The following PDSS2 variants were observed in gnomAD, a reference collection of about 807,000 sequenced individuals.
The protein encoded by PDSS2 is all trans-polyprenyl-diphosphate synthase PDSS2.
Under a neutral mutation model 44.5 loss-of-function variants are expected in PDSS2, and 31 were observed. The ratio of observed to expected loss-of-function variants is 0.70; its 90% CI spans 0.52 to 0.94. The LOEUF is 0.94. PDSS2 is among the 40% of genes least tolerant of loss of function. PDSS2 has a pLI of 0.00. For missense variants in PDSS2, 452 were observed against 482.2 expected (o/e 0.94, Z 0.59); for synonymous variants, 157 against 180.3 (o/e 0.87, Z 1.03).
intron 1 of PDSS2, among the ~76,000 whole-genome samples, chr6:107,383,280 C>T (rs530196282): frequency 1.9e-5 from 2 of 103,964 alleles, no homozygotes; most frequent in East Asian, 6.7e-4. Flanking sequence ...GCCTGGGTGA[C>T]AGAGTGAGAC....
intron 2 of PDSS2, among the ~76,000 whole-genome samples, chr6:107,323,392 C>T (rs1347446130): frequency 2.0e-5 from 3 of 152,134 alleles, no homozygotes; most frequent in Non-Finnish European, 4.4e-5. Context: ...TTATTCTGGA[C>T]CACAGGATAG....
At chr6:107,420,898 G>C (rs537861292) in intron 1 of PDSS2, among the ~76,000 whole-genome samples, 1 of 150,426 alleles carries the variant, frequency 6.6e-6, no homozygotes, top group South Asian at 2.1e-4. Context: ...CCATTAACAA[G>C]ATAAAAAGAT....
At chr6:107,249,893 T>C (rs916752720) in intron 3 of PDSS2, among the ~76,000 whole-genome samples, 4 of 152,208 alleles carry the variant, frequency 2.6e-5, no homozygotes, top group African/African-American at 9.7e-5. Context: ...CAGGTGTATC[T>C]GAACCTTAAC....
chr6:107,358,747 T>C (rs906254187), intron 1 of PDSS2, among the ~76,000 whole-genome samples: 17 of 152,138 alleles, frequency 1.1e-4, no homozygotes, highest in Non-Finnish European at 2.5e-4. Flanking sequence ...AACTGGAACT[T>C]TGTTGGGAGG....
chr6:107,250,552 G>T (rs1194496743), intron 3 of PDSS2, among the ~76,000 whole-genome samples: 2 of 152,044 alleles, frequency 1.3e-5, no homozygotes, highest in Non-Finnish European at 2.9e-5. Flanking sequence ...CTTGGGGAGG[G>T]TGTTGGGGGG....
intron 4 of PDSS2, 93 bp downstream of exon 4, chr6:107,245,448 CATGTACA>C: frequency 3.1e-6 from 1 of 324,138 alleles, no homozygotes; most frequent in Non-Finnish European, 5.6e-6. Context: ...AAAAAAAAGC[CATGTACA>C]ATTTAAACAC....
chr6:107,228,749 AAAC>A, intron 4 of PDSS2, among the ~76,000 whole-genome samples: 1 of 145,812 alleles, frequency 6.9e-6, no homozygotes, highest in Non-Finnish European at 1.5e-5. Context: ...CAAACAAACA[AAAC>A]AAATTCCTCT....
intron 1 of PDSS2, among the ~76,000 whole-genome samples, chr6:107,412,331 C>T (rs1395129430): frequency 2.0e-5 from 3 of 150,032 alleles, no homozygotes; most frequent in Non-Finnish European, 3.0e-5. Context: ...CCTCCACCTC[C>T]GGGTTCAAGC....
chr6:107,162,610 A>ATTTTTTTTT (rs71012782), intron 7 of PDSS2, among the ~76,000 whole-genome samples: 1,969 of 115,338 alleles, frequency 0.017, 142 homozygotes, highest in Middle Eastern at 0.046. Flanking sequence ...GAATTCCCTA[A>ATTTTTTTTT]TTTTTTTTTT....
chr6:107,202,315 A>T (rs1357206984), intron 6 of PDSS2, among the ~76,000 whole-genome samples: 3 of 152,186 alleles, frequency 2.0e-5, no homozygotes, highest in Non-Finnish European at 4.4e-5. Context: ...CTGGGATTAC[A>T]GGCATGAGCC....
intron 7 of PDSS2, among the ~76,000 whole-genome samples, chr6:107,178,526 C>T (rs1316243873): frequency 6.6e-6 from 1 of 152,168 alleles, no homozygotes; most frequent in African/African-American, 2.4e-5. Flanking sequence ...CTTAAAGTCA[C>T]AATAATTATT....
At chr6:107,282,059 C>T (rs867289150) in intron 2 of PDSS2, among the ~76,000 whole-genome samples, 1 of 152,146 alleles carries the variant, frequency 6.6e-6, no homozygotes, top group East Asian at 1.9e-4. Flanking sequence ...GCATGTGCCA[C>T]AATACCTGGC....
At chr6:107,333,525 G>A (rs1478877575) in intron 2 of PDSS2, among the ~76,000 whole-genome samples, 1 of 152,024 alleles carries the variant, frequency 6.6e-6, no homozygotes, top group East Asian at 1.9e-4. Context: ...TTTATACAAT[G>A]AGGTATTATT....
intron 2 of PDSS2, among the ~76,000 whole-genome samples, chr6:107,308,105 A>G: frequency 6.6e-6 from 1 of 152,196 alleles, no homozygotes; most frequent in East Asian, 1.9e-4. Flanking sequence ...TTTAACAGGC[A>G]CTCAATTCAG....
intron 2 of PDSS2, among the ~76,000 whole-genome samples, chr6:107,284,124 A>G (rs1180897877): frequency 2.6e-5 from 4 of 152,018 alleles, no homozygotes; most frequent in African/African-American, 9.7e-5. Flanking sequence ...TAAAAAGACA[A>G]TGGAGCCTTC....
intron 4 of PDSS2, among the ~76,000 whole-genome samples, chr6:107,214,619 C>T (rs1773351808): frequency 6.6e-6 from 1 of 152,146 alleles, no homozygotes; most frequent in Non-Finnish European, 1.5e-5. Flanking sequence ...TCTTCCTGCT[C>T]CTGATCCTAT....
chr6:107,251,575 G>A (rs1367368184), intron 3 of PDSS2, among the ~76,000 whole-genome samples: 1 of 152,128 alleles, frequency 6.6e-6, no homozygotes, highest in Non-Finnish European at 1.5e-5. Flanking sequence ...CCACCCCCAG[G>A]AACAAACAGC....
chr6:107,338,558 C>T (rs1301092452), intron 1 of PDSS2, among the ~76,000 whole-genome samples: 1 of 152,092 alleles, frequency 6.6e-6, no homozygotes, highest in Admixed American at 6.5e-5. Flanking sequence ...GGAATTGTTT[C>T]AGGGGATGAA....
At chr6:107,334,369 C>A (rs764366689) in intron 1 of PDSS2, 37 bp from the exon 2 acceptor site, 14 of 1,599,184 alleles carry the variant, frequency 8.8e-6, no homozygotes, top group Non-Finnish European at 1.2e-5. Flanking sequence ...ATTAATATAC[C>A]CTCACGAGAT....
Sources: gnomAD v4.1 joint callset for allele counts (sites outside exome capture counted in the v4.1 genomes callset) on GRCh38, gnomAD v4.1.1 for gene constraint, MANE v1.5 for transcripts, NCBI Gene and HGNC (gene_info 2026-07-23, HGNC 2026-07-21) for gene names.